CACNA1A: variants seen among roughly 807,000 people sequenced by gnomAD.
CACNA1A encodes voltage-dependent P/Q-type calcium channel subunit alpha-1A.
Under a neutral mutation model 262.4 loss-of-function variants are expected in CACNA1A, and 57 were observed. That is an observed-to-expected ratio of 0.22 (90% CI 0.18 to 0.27). CACNA1A has a LOEUF of 0.27. CACNA1A is among the 10% of genes least tolerant of loss of function. The probability of loss-of-function intolerance (pLI) is 1.00; values close to 1 mark genes in which losing one functional copy is unlikely to be tolerated. For synonymous variants in CACNA1A, 1,431 were observed against 1,419.3 expected, an observed-to-expected ratio of 1.01 and a Z score of -0.18; for missense variants, 2,526 against 3,562.8, an observed-to-expected ratio of 0.71 and a Z score of 7.41.
chr19:13,275,646 G>A (rs531427397), intron 24 of CACNA1A: 5 of 594,154 alleles, frequency 8.4e-6, no homozygotes, highest in Non-Finnish European at 1.5e-5. Flanking sequence ...TGGCAGGAGG[G>A]GGGGTCCCTT....
At chr19:13,438,729 T>C (rs956438141) in intron 3 of CACNA1A, among the ~76,000 whole-genome samples, 5 of 152,252 alleles carry the variant, frequency 3.3e-5, no homozygotes, top group African/African-American at 1.2e-4. Flanking sequence ...CTTGTCATTA[T>C]AAGCCACTGG....
rs760428308 is a variant in CACNA1A, at chr19:13,208,815, G to C, written c.6721C>G (p.Arg2241Gly). 5.2e-6 allele frequency: 8 copies of C among 1,548,224 alleles called. No homozygotes were observed. The African/African-American group carries it at 5.4e-5, about 11-fold the overall frequency. The change falls in exon 46 of 47, where the codon CGG (arginine) becomes GGG (glycine). Residue 2241 changes from arginine (R) to glycine (G), a missense_variant. Physicochemically the swap from Arg to Gly is moderately radical, Grantham distance 125. Coordinates refer to ENST00000360228, the MANE Select transcript of CACNA1A (RefSeq NM_001127222.2). ...ERPDHGRARA[R>G]DQRWSRSPSE... is the part of the protein sequence containing the mutation. The stretch of plus-strand genomic sequence containing the variant: ...GGCGAGCGGGACCAGCGCTGGTCCC[G>C]AGCCCGTGCCCGGCCGTGGTCCGGC...
At chr19:13,444,195 G>A (rs1198925935) in intron 3 of CACNA1A, among the ~76,000 whole-genome samples, 1 of 152,176 alleles carries the variant, frequency 6.6e-6, no homozygotes, top group Non-Finnish European at 1.5e-5. Flanking sequence ...ATGACAAAAA[G>A]CATTTGTGTC....
chr19:13,322,927 T>G (rs1028132931), intron 10 of CACNA1A, among the ~76,000 whole-genome samples: 1 of 152,224 alleles, frequency 6.6e-6, no homozygotes, highest in Non-Finnish European at 1.5e-5. Context: ...AGGCCACATT[T>G]GCAGGTACCA....
Position 13,212,467 on chromosome 19 carries a change from G to A in CACNA1A, c.6106C>T (p.Gln2036Ter). Residue 2036 changes from glutamine to a stop codon, truncating the protein, a stop_gained, in exon 42 of 47, where the codon CAG becomes TAG. Coordinates refer to ENST00000360228, the MANE Select transcript of CACNA1A (RefSeq NM_001127222.2). LOFTEE classifies it high-confidence loss of function. The surrounding 1 kb of genome is among the most constrained non-coding windows in gnomAD (Gnocchi z 5.6). Reference sequence around the variant, plus strand: ...GTGCCCGTCTTCTGGAACATCTCCTGGGCACGCTGGGTCACCCAGGACGGG... The same window carrying A: ...GTGCCCGTCTTCTGGAACATCTCCTAGGCACGCTGGGTCACCCAGGACGGG... ...ESPSWVTQRA[Q>*]EMFQKTGTWS... 1 of 1,602,548 alleles carries A rather than the reference G, an allele frequency of 6.2e-7. No homozygotes were observed.
chr19:13,326,834 C>A (rs1015324752), intron 10 of CACNA1A, among the ~76,000 whole-genome samples: 1 of 149,562 alleles, frequency 6.7e-6, no homozygotes, highest in Non-Finnish European at 1.5e-5. Flanking sequence ...ATAATGTGAA[C>A]GTGAACGCAA....
intron 3 of CACNA1A, among the ~76,000 whole-genome samples, chr19:13,397,067 T>C (rs2059823194): frequency 6.6e-6 from 1 of 152,148 alleles, no homozygotes; most frequent in Non-Finnish European, 1.5e-5. Context: ...CATGGCATGG[T>C]CTTCTTTTGA....
intron 3 of CACNA1A, among the ~76,000 whole-genome samples, chr19:13,389,420 T>G (rs2059674489): frequency 6.6e-6 from 1 of 152,084 alleles, no homozygotes; most frequent in African/African-American, 2.4e-5. Context: ...GTCCCTGGGA[T>G]GGATGCCTGG....
intron 36 of CACNA1A, among the ~76,000 whole-genome samples, chr19:13,228,099 G>C (rs1224895764): frequency 1.3e-5 from 2 of 151,860 alleles, no homozygotes; most frequent in East Asian, 3.9e-4. Context: ...AGAGAAGGGG[G>C]TTCTTGCTAT....
chr19:13,301,303 C>T (rs1252097681), intron 17 of CACNA1A, among the ~76,000 whole-genome samples: 1 of 152,172 alleles, frequency 6.6e-6, no homozygotes, highest in East Asian at 1.9e-4. Context: ...AGATTTTCCT[C>T]TCACTAGGCT....
At chr19:13,494,482 A>G (rs751301909) in intron 1 of CACNA1A, among the ~76,000 whole-genome samples, 39 of 152,190 alleles carry the variant, frequency 2.6e-4, no homozygotes, top group Non-Finnish European at 4.0e-4. Context: ...TGTGAGTAAA[A>G]TGGTCAGCAG....
chr19:13,296,890 G>T (rs1185350867), intron 19 of CACNA1A, among the ~76,000 whole-genome samples: 1 of 152,066 alleles, frequency 6.6e-6, no homozygotes, highest in Non-Finnish European at 1.5e-5. Context: ...CTCCCAAGTA[G>T]TTGGGACTGC....
At position 13,263,149 on chromosome 19, in the gene CACNA1A, A is replaced by G. The variant is rs924105605; in HGVS notation, c.3990-316T>C. On this transcript the variant is annotated intron_variant, in intron 24 of 46. Transcript: ENST00000360228. ...GCACAAGGGGGTTGGCTGATTCCCC[A>G]CCCCCATTTCTGCACAGCTTTTCTT... 4.9e-5 allele frequency: 14 copies of G among 286,768 alleles called. No homozygotes were observed. In the Admixed American group the frequency reaches 6.0e-4, roughly 12 times the overall value. 17.8% of individuals were successfully genotyped at this position (286,768 alleles called of 1,614,324 possible). A position where few individuals can be genotyped will look rare whatever the true frequency, so the allele number is the denominator to read the frequency against.
intron 46 of CACNA1A, among the ~76,000 whole-genome samples, chr19:13,208,549 G>T (rs1251749809): frequency 6.6e-6 from 1 of 151,364 alleles, no homozygotes; most frequent in African/African-American, 2.4e-5. Context: ...CAAGGGGGCT[G>T]GGGGGACAGC....
intron 1 of CACNA1A, among the ~76,000 whole-genome samples, chr19:13,459,873 T>C (rs1402460075): frequency 6.6e-6 from 1 of 152,170 alleles, no homozygotes; most frequent in African/African-American, 2.4e-5. Context: ...TTTTATGGGC[T>C]GCAATATCAG....
At position 13,497,617 on chromosome 19, in the gene CACNA1A, C is replaced by T. The variant is rs1165750960; in HGVS notation, c.293+8315G>A. Among the ~76,000 whole-genome samples, 5 of 116,206 alleles carry T rather than the reference C, an allele frequency of 4.3e-5. No homozygotes were observed. In the Admixed American group the frequency reaches 5.1e-4, roughly 12 times the overall value. The allele number at this position is 116,206 out of a possible 152,430, so 76.2% of individuals were successfully genotyped here. On this transcript the variant is annotated intron_variant, in intron 1 of 46. Coordinates refer to ENST00000360228, the MANE Select transcript of CACNA1A (RefSeq NM_001127222.2). ...TTAAAGCTGGGTACGGTGGTGCATGCCTATAGTCCCAGCTTCTCGGGAGGC... is the reference window on the plus strand; with the variant it reads ...TTAAAGCTGGGTACGGTGGTGCATGTCTATAGTCCCAGCTTCTCGGGAGGC...
intron 3 of CACNA1A, among the ~76,000 whole-genome samples, chr19:13,388,137 AC>A (rs2059646846): frequency 6.8e-6 from 1 of 147,290 alleles, no homozygotes; most frequent in Non-Finnish European, 1.5e-5. Flanking sequence ...CACTTCCCAT[AC>A]AGTCTATATT....
chr19:13,221,222 C>CTTTT (rs370731735), intron 38 of CACNA1A, among the ~76,000 whole-genome samples: 2 of 38,034 alleles, frequency 5.3e-5, no homozygotes, highest in East Asian at 1.6e-3. Flanking sequence ...TTTTTCTTTT[C>CTTTT]TTTCTTTCTT....
At chr19:13,316,985 G>T in intron 11 of CACNA1A, 127 bp downstream of exon 11, 1 of 630,240 alleles carries the variant, frequency 1.6e-6, no homozygotes, top group Non-Finnish European at 2.8e-6. Context: ...TATAGAAATG[G>T]CTAAAGGAAA....
Sources: allele counts gnomAD v4.1 joint callset (sites outside exome capture counted in the v4.1 genomes callset), GRCh38; gene constraint gnomAD v4.1.1; non-coding constraint Gnocchi (gnomAD v3.1); transcripts MANE v1.5; gene names NCBI Gene and HGNC (gene_info 2026-07-23, HGNC 2026-07-21).